Variants in NRP1 observed in about 807,000 individuals in gnomAD.
NRP1 encodes the protein neuropilin-1.
Under a neutral mutation model 106.7 loss-of-function variants are expected in NRP1, and 35 were observed. The observed-to-expected ratio is 0.33, with a 90% CI of 0.25 to 0.43. The LOEUF is 0.43. NRP1 is among the 20% of genes least tolerant of loss of function. The probability of loss-of-function intolerance (pLI) is 1.00; values close to 1 mark genes in which losing one functional copy is unlikely to be tolerated. For missense variants in NRP1, 1,024 were observed against 1,170.4 expected, an observed-to-expected ratio of 0.87 and a Z score of 1.83; for synonymous variants, 437 against 417.9, an observed-to-expected ratio of 1.05 and a Z score of -0.56.
chr10:33,261,928 G>GT (rs1221860703), intron 4 of NRP1, among the ~76,000 whole-genome samples: 16 of 152,094 alleles, frequency 1.1e-4, no homozygotes, highest in Non-Finnish European at 1.9e-4. Flanking sequence ...TAGAGACAGG[G>GT]TTTCACTCTG....
At chr10:33,247,413 A>T (rs1841503035) in intron 6 of NRP1, among the ~76,000 whole-genome samples, 2 of 152,204 alleles carry the variant, frequency 1.3e-5, no homozygotes. Flanking sequence ...CAAATTTTGA[A>T]TCATGACAGA....
At chr10:33,242,543 T>C (rs899183388) in intron 6 of NRP1, among the ~76,000 whole-genome samples, 3 of 152,314 alleles carry the variant, frequency 2.0e-5, no homozygotes, top group African/African-American at 7.2e-5. Context: ...CTTCAAAAAA[T>C]TCTTTTCTCT....
chr10:33,213,596 G>A lies in NRP1; in HGVS notation c.1404C>T (p.Arg468=). Residue 468 remains arginine, a synonymous_variant, in exon 9 of 17, where the codon CGC becomes CGT. Transcript: ENST00000374867. ...MPENIRLVTS[R]SGWALPPAPH... is the part of the protein sequence containing the mutation. ...GTGCGGGTGGAAGTGCCCAGCCAGA[G>A]CGACTGGTTACCAGGCGGATGTTTT... is the stretch of plus-strand genomic sequence containing the variant. 1.2e-6 allele frequency: 2 copies of A among 1,614,098 alleles called. No homozygotes were observed. Among genetic ancestry groups the A allele is most frequent in the Non-Finnish European group, 1.7e-6 (2 of 1,180,032 alleles).
chr10:33,192,452 G>A (rs369888739), intron 12 of NRP1, 34 bp from the exon 13 acceptor site: 13 of 1,608,010 alleles, frequency 8.1e-6, no homozygotes, highest in Non-Finnish European at 3.4e-6. Flanking sequence ...TAAGAGACAA[G>A]CAAAGAAAGG....
intron 8 of NRP1, among the ~76,000 whole-genome samples, chr10:33,217,728 G>A (rs2269098): frequency 0.28 from 42,679 of 152,056 alleles, 6,441 homozygotes; most frequent in East Asian, 0.62. Flanking sequence ...GTTTGTCTGC[G>A]TCAAATTTAA....
intron 2 of NRP1, among the ~76,000 whole-genome samples, chr10:33,285,896 G>A (rs1471261310): frequency 6.6e-6 from 1 of 151,922 alleles, no homozygotes; most frequent in Non-Finnish European, 1.5e-5. Context: ...CTACAAGAAG[G>A]GGAAATTCCG....
At chr10:33,271,155 T>G (rs1843287099) in intron 2 of NRP1, among the ~76,000 whole-genome samples, 1 of 152,214 alleles carries the variant, frequency 6.6e-6, no homozygotes, top group Non-Finnish European at 1.5e-5. Flanking sequence ...AAAAATCTCA[T>G]GAGCACAATC....
At chr10:33,278,645 C>T (rs1843887797) in intron 2 of NRP1, among the ~76,000 whole-genome samples, 2 of 152,306 alleles carry the variant, frequency 1.3e-5, no homozygotes, top group East Asian at 3.9e-4. Context: ...GCTTCTAGGA[C>T]ATTCTCCTGC....
At chr10:33,207,752 A>C in intron 9 of NRP1, 36 bp from the exon 10 acceptor site, 1 of 1,594,834 alleles carries the variant, frequency 6.3e-7, no homozygotes, top group South Asian at 1.1e-5. Flanking sequence ...ATTAAGGAAA[A>C]AAAAAAACAG....
chr10:33,230,631 GTGTGTGTA>G (rs1320878835), intron 6 of NRP1, among the ~76,000 whole-genome samples: 5 of 145,984 alleles, frequency 3.4e-5, no homozygotes, highest in South Asian at 2.2e-4. Flanking sequence ...GTGTGTGTGT[GTGTGTGTA>G]TGTATCTCCT....
At chr10:33,213,145 C>T (rs866936245) in intron 9 of NRP1, 1 of 1,119,412 alleles carries the variant, frequency 8.9e-7, no homozygotes, top group Admixed American at 2.5e-5. Flanking sequence ...AGCTGTCTGT[C>T]CATCCCTACA....
Position 33,320,312 on chromosome 10 carries a change from T to TA in NRP1, c.248+10395dup, listed in dbSNP as rs777487586. Among the ~76,000 whole-genome samples, 527 of 126,280 alleles carry TA rather than the reference T, an allele frequency of 4.2e-3. 1 individual carries two copies. Among genetic ancestry groups the TA allele is most frequent in the Middle Eastern group, 0.017 (4 of 236 alleles). The allele number at this position is 126,280 out of a possible 152,430, so 82.8% of individuals were successfully genotyped here. On this transcript the variant is annotated intron_variant, in intron 2 of 16. Coordinates refer to ENST00000374867, the MANE Select transcript of NRP1 (RefSeq NM_003873.7). Reference sequence around the variant, plus strand: ...TGGCGATGGAGCAATACTCCGTCTTTAAAAAAAAAAAAAAAAGCCTGCACC... The same window carrying TA: ...TGGCGATGGAGCAATACTCCGTCTTTAAAAAAAAAAAAAAAAAGCCTGCACC...
chr10:33,206,103 T>C (rs1459258949), intron 10 of NRP1: 3 of 457,032 alleles, frequency 6.6e-6, no homozygotes, highest in Non-Finnish European at 1.3e-5. Flanking sequence ...TTTGCAAGCG[T>C]GCTTTCAAAA....
In NRP1 at chr10:33,293,547, C is replaced by G. The variant is rs1374835849; in HGVS notation, c.249-22691G>C. On this transcript the variant is annotated intron_variant, in intron 2 of 16. Coordinates refer to ENST00000374867, the MANE Select transcript of NRP1 (RefSeq NM_003873.7). ...CTACCGATAAGGAAACAGAGCCCCC[C>G]GTAAGTTATGTGGGCTGCTAAAGGT... Among the ~76,000 whole-genome samples the G allele has an allele frequency of 5.9e-5, 9 of 152,150 alleles. 1 individual carries two copies. The highest frequency in any genetic ancestry group is 5.9e-4 in the Admixed American group (9 of 15,270).
rs1428874988 is a variant in NRP1 at position 33,256,477 on chromosome 10, A to C, written c.659-6T>G. The stretch of plus-strand genomic sequence containing the variant: ...ACGCCCAATGTGAGGGCCAACTGGA[A>C]AGGGAGGAATACAGACGATGTCAAA... On this transcript the variant is annotated splice_region_variant and splice_polypyrimidine_tract_variant and intron_variant, in intron 4 of 16. Transcript: ENST00000374867. The C allele has an allele frequency of 6.2e-7, 1 of 1,613,860 alleles. No homozygotes were observed. Among genetic ancestry groups the C allele is most frequent in the Non-Finnish European group, 8.5e-7 (1 of 1,179,866 alleles).
At chr10:33,241,553 C>G (rs188560421) in intron 6 of NRP1, among the ~76,000 whole-genome samples, 1 of 152,072 alleles carries the variant, frequency 6.6e-6, no homozygotes, top group South Asian at 2.1e-4. Flanking sequence ...TCTTAAAACA[C>G]GGTTGGATAC....
At chr10:33,207,009 T>C (rs1280418757) in intron 10 of NRP1, among the ~76,000 whole-genome samples, 1 of 152,246 alleles carries the variant, frequency 6.6e-6, no homozygotes, top group African/African-American at 2.4e-5. Context: ...GAATAATGTC[T>C]TGATGTCTTA....
chr10:33,291,845 G>A (rs961050058), intron 2 of NRP1, among the ~76,000 whole-genome samples: 1 of 152,158 alleles, frequency 6.6e-6, no homozygotes, highest in Non-Finnish European at 1.5e-5. Flanking sequence ...GGAAGCTAAG[G>A]CTCTAAGAGA....
intron 2 of NRP1, among the ~76,000 whole-genome samples, chr10:33,279,910 G>A (rs914600334): frequency 6.6e-6 from 1 of 152,154 alleles, no homozygotes; most frequent in Non-Finnish European, 1.5e-5. Context: ...AGTGACTGTC[G>A]GTTTGGGAGC....
Sources: gnomAD v4.1 joint callset for allele counts (sites outside exome capture counted in the v4.1 genomes callset) on GRCh38, gnomAD v4.1.1 for gene constraint, MANE v1.5 for transcripts, NCBI Gene and HGNC (gene_info 2026-07-23, HGNC 2026-07-21) for gene names.